Variants in LINGO2 observed in about 807,000 individuals in gnomAD.
LINGO2 encodes the protein leucine rich repeat and Ig domain containing 2.
In LINGO2, 14 loss-of-function variants were observed where a neutral mutation model predicts 30.6. The observed-to-expected ratio is 0.46, with a 90% CI of 0.30 to 0.72. The LOEUF is 0.72. LINGO2 is among the 30% of genes least tolerant of loss of function. LINGO2 has a pLI of 0.07. For missense variants in LINGO2, 729 were observed against 751.7 expected (o/e 0.97, Z 0.35); for synonymous variants, 317 against 288.5 (o/e 1.10, Z -1.00).
chr9:28,261,312 C>A (rs1329321164), intron 4 of LINGO2, among the ~76,000 whole-genome samples: 1 of 151,844 alleles, frequency 6.6e-6, no homozygotes, highest in Non-Finnish European at 1.5e-5. Context: ...TAAATCCCAG[C>A]TTACTCTTTT....
intron 4 of LINGO2, among the ~76,000 whole-genome samples, chr9:28,252,309 T>G (rs1822230113): frequency 6.6e-6 from 1 of 152,126 alleles, no homozygotes; most frequent in African/African-American, 2.4e-5. Flanking sequence ...CACTGCAACC[T>G]CTGCCTCCCG....
the LINGO2 span, among the ~76,000 whole-genome samples, chr9:29,212,195 G>A: frequency 3.3e-5 from 5 of 152,100 alleles, no homozygotes; most frequent in East Asian, 9.7e-4. Context: ...CTGCGTCCCC[G>A]CGGCGCGGTG....
chr9:28,927,895 A>G, the LINGO2 span, among the ~76,000 whole-genome samples: 1 of 152,236 alleles, frequency 6.6e-6, no homozygotes, highest in African/African-American at 2.4e-5. Context: ...TAAGTGACAG[A>G]GTTGTGATTC....
chr9:28,537,146 A>G (rs908362768), intron 1 of LINGO2, among the ~76,000 whole-genome samples: 5 of 152,142 alleles, frequency 3.3e-5, no homozygotes, highest in Admixed American at 1.3e-4. Context: ...GAAGGTACGA[A>G]AGAAGCATGA....
the LINGO2 span, among the ~76,000 whole-genome samples, chr9:29,077,036 T>C: frequency 1.3e-5 from 2 of 152,122 alleles, no homozygotes; most frequent in African/African-American, 4.8e-5. Context: ...GTGGTAGATA[T>C]ACAAAGTATT....
the LINGO2 span, among the ~76,000 whole-genome samples, chr9:28,884,971 A>C: frequency 1.9e-4 from 3 of 15,480 alleles, no homozygotes; most frequent in Non-Finnish European, 3.6e-4. Flanking sequence ...TTATATATAT[A>C]ATATATATAA....
At chr9:28,877,349 T>A in the LINGO2 span, among the ~76,000 whole-genome samples, 6,531 of 151,830 alleles carry the variant, frequency 0.043, 213 homozygotes, top group Admixed American at 0.084. Flanking sequence ...TGAATGGTAA[T>A]GCCTAGGTTT....
At chr9:28,354,901 A>G (rs1394588285) in intron 3 of LINGO2, among the ~76,000 whole-genome samples, 1 of 152,164 alleles carries the variant, frequency 6.6e-6, no homozygotes, top group African/African-American at 2.4e-5. Context: ...AAAATAAAAT[A>G]CAACTGAGAC....
chr9:28,359,150 C>T (rs1468905536), intron 3 of LINGO2, among the ~76,000 whole-genome samples: 4 of 152,138 alleles, frequency 2.6e-5, no homozygotes, highest in Admixed American at 6.5e-5. Context: ...GTACCTCTCA[C>T]GGTTTTGGAT....
At chr9:29,053,097 G>A in the LINGO2 span, among the ~76,000 whole-genome samples, 185 of 152,008 alleles carry the variant, frequency 1.2e-3, no homozygotes, top group African/African-American at 4.1e-3. Flanking sequence ...TTGAGTGTCA[G>A]GATGTTGCAA....
chr9:27,953,126 TGATA>T (rs1330050678), intron 5 of LINGO2, among the ~76,000 whole-genome samples: 3 of 152,096 alleles, frequency 2.0e-5, no homozygotes, highest in Admixed American at 2.0e-4. Context: ...CCTGTCATAT[TGATA>T]AAGTTTGATA....
the LINGO2 span, among the ~76,000 whole-genome samples, chr9:29,119,374 C>CGCACACACAG: frequency 6.6e-6 from 1 of 151,444 alleles, no homozygotes; most frequent in Non-Finnish European, 1.5e-5. Context: ...CGCACACACA[C>CGCACACACAG]ACACCAGTTA....
the LINGO2 span, among the ~76,000 whole-genome samples, chr9:28,932,738 C>T: frequency 6.6e-6 from 1 of 152,064 alleles, no homozygotes; most frequent in African/African-American, 2.4e-5. Context: ...TCCTACCCAA[C>T]ATCTAATTGC....
intron 1 of LINGO2, among the ~76,000 whole-genome samples, chr9:28,627,677 G>C (rs1441326733): frequency 2.0e-4 from 31 of 151,988 alleles, no homozygotes. Flanking sequence ...GGGAAAACAA[G>C]TCTAGTTTCA....
the LINGO2 span, among the ~76,000 whole-genome samples, chr9:29,189,968 T>C: frequency 1.4e-5 from 2 of 147,310 alleles, no homozygotes; most frequent in African/African-American, 5.0e-5. Flanking sequence ...AGCAGTACAG[T>C]CCAGCTTTGG....
intron 1 of LINGO2, among the ~76,000 whole-genome samples, chr9:28,621,996 C>T (rs780772618): frequency 2.0e-5 from 3 of 151,948 alleles, no homozygotes; most frequent in Non-Finnish European, 2.9e-5. Flanking sequence ...CTAGTTATTC[C>T]GTTACTAGGA....
chr9:28,397,374 C>CATAT (rs375219396), intron 2 of LINGO2, among the ~76,000 whole-genome samples: 234 of 116,312 alleles, frequency 2.0e-3, no homozygotes, highest in Non-Finnish European at 3.2e-3. Flanking sequence ...TATATATATA[C>CATAT]ATATATATAT....
At chr9:28,254,867 G>T (rs376618457) in intron 4 of LINGO2, among the ~76,000 whole-genome samples, 1 of 151,974 alleles carries the variant, frequency 6.6e-6, no homozygotes, top group Non-Finnish European at 1.5e-5. Flanking sequence ...CATCACCCAG[G>T]TATTAAGCCC....
At chr9:28,738,511 A>G in the LINGO2 span, among the ~76,000 whole-genome samples, 1 of 152,084 alleles carries the variant, frequency 6.6e-6, no homozygotes, top group Non-Finnish European at 1.5e-5. Flanking sequence ...AGCATTCAGA[A>G]CCGTTTGATT....
Sources: gnomAD v4.1 joint callset for allele counts (sites outside exome capture counted in the v4.1 genomes callset) on GRCh38, gnomAD v4.1.1 for gene constraint, MANE v1.5 for transcripts, NCBI Gene and HGNC (gene_info 2026-07-23, HGNC 2026-07-21) for gene names.